The following NEDD4 variants were observed in gnomAD, a reference collection of about 807,000 sequenced individuals.
NEDD4 encodes NEDD4 E3 ubiquitin protein ligase.
A neutral mutation model predicts 144.9 loss-of-function variants in NEDD4; 99 were observed. The observed-to-expected ratio is 0.68, with a 90% CI of 0.58 to 0.81. NEDD4 has a LOEUF of 0.81. Ranked by LOEUF, NEDD4 falls within the 30% of genes least tolerant of loss-of-function variation. The probability of loss-of-function intolerance (pLI) is 0.00; values close to 1 mark genes in which losing one functional copy is unlikely to be tolerated. For missense variants in NEDD4, 985 were observed against 1,065.9 expected (o/e 0.92, Z 1.06); for synonymous variants, 318 against 350.6 (o/e 0.91, Z 1.04).
intron 9 of NEDD4, 56 bp downstream of exon 9, chr15:55,862,857 A>C: frequency 1.1e-5 from 16 of 1,467,668 alleles, no homozygotes; most frequent in Non-Finnish European, 1.5e-5. Context: ...CTTCAAAATG[A>C]AAATTCGTAG....
At chr15:55,939,468 G>C (rs560995687) in intron 4 of NEDD4, among the ~76,000 whole-genome samples, 1 of 152,210 alleles carries the variant, frequency 6.6e-6, no homozygotes, top group African/African-American at 2.4e-5. Context: ...CCCAGTCTCA[G>C]GTAGTATCTT....
intron 5 of NEDD4, chr15:55,916,931 C>T: frequency 6.7e-7 from 1 of 1,499,976 alleles, no homozygotes; most frequent in Admixed American, 2.3e-5. Flanking sequence ...AAGAAAAAAT[C>T]ATTTGTGGTG....
intron 4 of NEDD4, among the ~76,000 whole-genome samples, chr15:55,928,264 G>A (rs921502787): frequency 2.0e-5 from 3 of 152,094 alleles, no homozygotes; most frequent in Non-Finnish European, 2.9e-5. Context: ...CACCCACCTC[G>A]GCCTCCCAAA....
intron 18 of NEDD4, among the ~76,000 whole-genome samples, chr15:55,843,606 AAAG>A (rs1372469154): frequency 2.6e-5 from 4 of 152,208 alleles, no homozygotes; most frequent in South Asian, 2.1e-4. Context: ...CACCTCCAAA[AAAG>A]AAGGTTAGCT....
At chr15:55,931,686 G>A (rs2036785129) in intron 4 of NEDD4, among the ~76,000 whole-genome samples, 1 of 152,122 alleles carries the variant, frequency 6.6e-6, no homozygotes, top group South Asian at 2.1e-4. Context: ...AGAAACTGAA[G>A]CAATATTCTT....
At chr15:55,926,887 C>A (rs1445069380) in intron 4 of NEDD4, among the ~76,000 whole-genome samples, 1 of 151,900 alleles carries the variant, frequency 6.6e-6, no homozygotes, top group East Asian at 1.9e-4. Context: ...ACCAGCCTGG[C>A]CAACAGGGTG....
chr15:55,986,236 T>C (rs182366800), intron 1 of NEDD4, among the ~76,000 whole-genome samples: 43 of 152,298 alleles, frequency 2.8e-4, no homozygotes, highest in Admixed American at 8.5e-4. Flanking sequence ...ATAGAATTCA[T>C]CAATGGATGC....
intron 1 of NEDD4, among the ~76,000 whole-genome samples, chr15:55,968,358 A>C (rs1173452508): frequency 1.3e-5 from 2 of 152,194 alleles, no homozygotes; most frequent in Non-Finnish European, 2.9e-5. Flanking sequence ...TAAAAAATAC[A>C]ATCTTAATAG....
intron 4 of NEDD4, among the ~76,000 whole-genome samples, chr15:55,941,529 A>C (rs2037004164): frequency 6.6e-6 from 1 of 152,030 alleles, no homozygotes; most frequent in Non-Finnish European, 1.5e-5. Flanking sequence ...ATTGTAACTT[A>C]AATCTGCTGT....
At chr15:55,909,307 C>G (rs1406484973) in intron 5 of NEDD4, among the ~76,000 whole-genome samples, 1 of 152,220 alleles carries the variant, frequency 6.6e-6, no homozygotes, top group East Asian at 1.9e-4. Flanking sequence ...TCGCTTCAAT[C>G]TTAGTGTGGG....
At chr15:55,838,733 C>T in intron 21 of NEDD4, 129 bp from the exon 22 acceptor site, 7 of 609,828 alleles carry the variant, frequency 1.1e-5, no homozygotes, top group Non-Finnish European at 2.0e-5. Flanking sequence ...TTTACTTACA[C>T]ACATATATAA....
At chr15:55,878,339 TCC>T (rs1213043189) in intron 5 of NEDD4, among the ~76,000 whole-genome samples, 6 of 152,020 alleles carry the variant, frequency 3.9e-5, no homozygotes, top group African/African-American at 1.4e-4. Flanking sequence ...AGAAAAACTG[TCC>T]CATTAAAATG....
intron 1 of NEDD4, among the ~76,000 whole-genome samples, chr15:55,972,794 G>C (rs1183865028): frequency 6.6e-6 from 1 of 151,868 alleles, no homozygotes; most frequent in Non-Finnish European, 1.5e-5. Flanking sequence ...AAGGCACACA[G>C]AAAATATTCC....
At chr15:55,926,020 C>T (rs2036656717) in intron 4 of NEDD4, among the ~76,000 whole-genome samples, 1 of 151,492 alleles carries the variant, frequency 6.6e-6, no homozygotes, top group Non-Finnish European at 1.5e-5. Flanking sequence ...ATGTAAAATA[C>T]ATATACGTAT....
chr15:55,847,092 AT>A, intron 17 of NEDD4, 58 bp from the exon 18 acceptor site: 1 of 1,170,480 alleles, frequency 8.5e-7, no homozygotes, highest in South Asian at 1.4e-5. Flanking sequence ...TTCTGGAACA[AT>A]TTTTATTTGT....
At chr15:55,939,393 A>G (rs1169902607) in intron 4 of NEDD4, among the ~76,000 whole-genome samples, 10 of 152,178 alleles carry the variant, frequency 6.6e-5, no homozygotes, top group Non-Finnish European at 1.2e-4. Context: ...ATCTTCTGCC[A>G]TGACTGAGGC....
chr15:55,883,254 C>T (rs1326625577), intron 5 of NEDD4, among the ~76,000 whole-genome samples: 1 of 152,144 alleles, frequency 6.6e-6, no homozygotes, highest in Non-Finnish European at 1.5e-5. Context: ...TCTGGCAGTA[C>T]TCCCCATAGC....
chr15:55,892,909 G>T (rs777387578), intron 5 of NEDD4, among the ~76,000 whole-genome samples: 14 of 152,092 alleles, frequency 9.2e-5, no homozygotes, highest in Admixed American at 2.0e-4. Flanking sequence ...CAATTAGATT[G>T]TCAATCTAAA....
intron 5 of NEDD4, among the ~76,000 whole-genome samples, chr15:55,906,740 T>C (rs1237639174): frequency 4.6e-5 from 7 of 152,032 alleles, no homozygotes; most frequent in South Asian, 2.1e-4. Flanking sequence ...ATGTAACAAA[T>C]CTGCACATTG....
Sources: allele counts gnomAD v4.1 joint callset (sites outside exome capture counted in the v4.1 genomes callset), GRCh38; gene constraint gnomAD v4.1.1; transcripts MANE v1.5; gene names NCBI Gene and HGNC (gene_info 2026-07-23, HGNC 2026-07-21).